Variants in AFF3 observed in about 807,000 individuals in gnomAD.
AFF3 encodes the protein ALF transcription elongation factor 3.
A neutral mutation model predicts 129.7 loss-of-function variants in AFF3; 32 were observed. The observed-to-expected ratio is 0.25, with a 90% CI of 0.19 to 0.33. The LOEUF (loss-of-function observed/expected upper bound fraction) is 0.33, where lower values mean the gene tolerates loss of function less well. AFF3 is among the 10% of genes least tolerant of loss of function. The pLI is 1.00. For synonymous variants in AFF3, 644 were observed against 635.4 expected (o/e 1.01, Z -0.20); for missense variants, 1,373 against 1,592.0 (o/e 0.86, Z 2.34).
intron 8 of AFF3, among the ~76,000 whole-genome samples, chr2:99,758,068 C>T (rs931475072): frequency 2.6e-5 from 4 of 152,220 alleles, no homozygotes; most frequent in African/African-American, 9.7e-5. Flanking sequence ...CATTTCTGAA[C>T]AAATACTGAA....
rs114062103 is a variant in AFF3, at chr2:100,084,003, C to T, written c.53+20399G>A. Among the ~76,000 whole-genome samples the T allele has an allele frequency of 4.6e-3, 706 of 152,176 alleles. 4 individuals are homozygous for T. The highest frequency in any genetic ancestry group is 0.016 in the African/African-American group (655 of 41,432). On this transcript the variant is annotated intron_variant, in intron 4 of 24. Coordinates refer to ENST00000672756, the MANE Select transcript of AFF3 (RefSeq NM_001386135.1). ...GACTTCATCAAAAATGTTCCCTTGC[C>T]CACAGTGCCATTAGCTATTCCACGT...
intron 7 of AFF3, among the ~76,000 whole-genome samples, chr2:99,903,067 G>C (rs1032725345): frequency 1.3e-5 from 2 of 152,084 alleles, no homozygotes; most frequent in African/African-American, 4.8e-5. Flanking sequence ...ATATGAATAA[G>C]TAAATAGTTG....
chr2:99,807,748 G>A (rs1309537821), intron 8 of AFF3, among the ~76,000 whole-genome samples: 3 of 152,124 alleles, frequency 2.0e-5, no homozygotes, highest in African/African-American at 7.2e-5. Context: ...CCTGCTTATC[G>A]CTGAGTGGCG....
intron 19 of AFF3, among the ~76,000 whole-genome samples, chr2:99,566,776 T>C (rs1676007844): frequency 6.6e-6 from 1 of 152,158 alleles, no homozygotes; most frequent in Non-Finnish European, 1.5e-5. Flanking sequence ...AAATGATTCA[T>C]TCATCAATTA....
intron 7 of AFF3, among the ~76,000 whole-genome samples, chr2:99,975,477 T>C (rs1393347144): frequency 6.6e-6 from 1 of 152,222 alleles, no homozygotes; most frequent in Non-Finnish European, 1.5e-5. Flanking sequence ...TGGAAATACA[T>C]ATGTAAACTT....
At chr2:99,570,080 C>T (rs957009300) in intron 18 of AFF3, among the ~76,000 whole-genome samples, 1 of 152,194 alleles carries the variant, frequency 6.6e-6, no homozygotes, top group African/African-American at 2.4e-5. Context: ...CCCATGCCCC[C>T]CTCTGAGGGC....
At chr2:99,679,662 TAC>T (rs2104538207) in intron 11 of AFF3, among the ~76,000 whole-genome samples, 1 of 152,348 alleles carries the variant, frequency 6.6e-6, no homozygotes, top group Admixed American at 6.5e-5. Flanking sequence ...CAGTCAGTGG[TAC>T]AGAGTCTGGG....
chr2:100,072,371 T>A (rs1414829679), intron 4 of AFF3, among the ~76,000 whole-genome samples: 1 of 152,076 alleles, frequency 6.6e-6, no homozygotes, highest in Non-Finnish European at 1.5e-5. Flanking sequence ...CCTGAAACCA[T>A]CCCCACCCTC....
intron 7 of AFF3, among the ~76,000 whole-genome samples, chr2:99,928,265 A>C (rs1444343123): frequency 6.6e-6 from 1 of 152,240 alleles, no homozygotes; most frequent in Non-Finnish European, 1.5e-5. Flanking sequence ...AAGGGAAATT[A>C]AAGTTTAAGA....
chr2:99,670,195 T>C (rs756718638), intron 12 of AFF3, among the ~76,000 whole-genome samples: 3 of 152,120 alleles, frequency 2.0e-5, no homozygotes, highest in Non-Finnish European at 4.4e-5. Context: ...ACCTTCAGGA[T>C]CACAAAGGCA....
intron 5 of AFF3, among the ~76,000 whole-genome samples, 177 bp downstream of exon 5, chr2:100,008,634 CA>C (rs1682202983): frequency 6.6e-6 from 1 of 152,226 alleles, no homozygotes; most frequent in African/African-American, 2.4e-5. Context: ...CCATGTGAAC[CA>C]CACACCTCAA....
At chr2:100,128,953 TG>T (rs1456261951) in intron 2 of AFF3, among the ~76,000 whole-genome samples, 1 of 151,740 alleles carries the variant, frequency 6.6e-6, no homozygotes, top group African/African-American at 2.4e-5. Context: ...AGGGAGGGAG[TG>T]GGGTCAGAGG....
At chr2:99,638,657 AC>A (rs1558681220) in intron 13 of AFF3, among the ~76,000 whole-genome samples, 2 of 152,136 alleles carry the variant, frequency 1.3e-5, no homozygotes, top group African/African-American at 4.8e-5. Flanking sequence ...AGCACCTCAA[AC>A]CCAGGAAAGA....
intron 4 of AFF3, among the ~76,000 whole-genome samples, chr2:100,083,242 G>A (rs778605413): frequency 2.0e-5 from 3 of 152,058 alleles, no homozygotes; most frequent in Non-Finnish European, 4.4e-5. Context: ...GACTTGCTAC[G>A]AGGAAGTCTA....
At chr2:99,973,123 A>G (rs1274865000) in intron 7 of AFF3, among the ~76,000 whole-genome samples, 1 of 152,204 alleles carries the variant, frequency 6.6e-6, no homozygotes, top group Non-Finnish European at 1.5e-5. Flanking sequence ...TGTCATTTCT[A>G]AGGCTTAGAT....
rs1238339238 is a variant in AFF3, at chr2:99,977,360, C to G, written c.873+29272G>C. Among the ~76,000 whole-genome samples, 3 of 152,206 alleles carry G rather than the reference C, an allele frequency of 2.0e-5. No individual in the cohort carries two copies. In the East Asian group the frequency reaches 5.8e-4, roughly 29 times the overall value. On this transcript the variant is annotated intron_variant, in intron 7 of 24. Transcript: ENST00000672756. ...CACCATAGGGAACCCAAGGCCTGCT[C>G]CTGTCTGAGGCTGATTTCCAACGTG...
chr2:99,777,969 A>AC, intron 8 of AFF3, among the ~76,000 whole-genome samples: 1 of 149,926 alleles, frequency 6.7e-6, no homozygotes, highest in South Asian at 2.1e-4. Context: ...AAAAAAAAAA[A>AC]AACAAAATGC....
At chr2:99,650,086 T>C (rs17022840) in intron 12 of AFF3, among the ~76,000 whole-genome samples, 9,360 of 152,334 alleles carry the variant, frequency 0.061, 404 homozygotes, top group East Asian at 0.12. Context: ...AGGTGTAATT[T>C]TTCACTCGGA....
Position 99,755,829 on chromosome 2 carries a change from C to CATA in AFF3, c.922-3529_922-3528insTAT, listed in dbSNP as rs1558819866. Among the ~76,000 whole-genome samples, 30 of 152,318 alleles carry CATA rather than the reference C, an allele frequency of 2.0e-4. 1 individual carries two copies. Among genetic ancestry groups the CATA allele is most frequent in the South Asian group, 1.7e-3 (8 of 4,826 alleles). On this transcript the variant is annotated intron_variant, in intron 8 of 24. Coordinates refer to ENST00000672756, the MANE Select transcript of AFF3 (RefSeq NM_001386135.1). ...CGGTAAAAATCGGCATATCAAATTG[C>CATA]TCTTGAAATTCAACACCCAACACTA...
Sources: allele counts gnomAD v4.1 joint callset (sites outside exome capture counted in the v4.1 genomes callset), GRCh38; gene constraint gnomAD v4.1.1; transcripts MANE v1.5; gene names NCBI Gene and HGNC (gene_info 2026-07-23, HGNC 2026-07-21).